SPAG16: variants seen among roughly 807,000 people sequenced by gnomAD.
The protein encoded by SPAG16 is sperm-associated antigen 16 protein.
In SPAG16, 86 loss-of-function variants were observed where a neutral mutation model predicts 80.4. The ratio of observed to expected loss-of-function variants is 1.07; its 90% CI spans 0.90 to 1.28. SPAG16 has a LOEUF of 1.28. Ranked by LOEUF, SPAG16 falls within the 50% of genes most tolerant of loss-of-function variation. SPAG16 has a pLI of 0.00. For missense variants in SPAG16, 870 were observed against 765.3 expected (o/e 1.14, Z -1.61); for synonymous variants, 294 against 265.9 (o/e 1.11, Z -1.03).
chr2:213,587,845 C>T (rs569309162), intron 10 of SPAG16, among the ~76,000 whole-genome samples: 1 of 152,246 alleles, frequency 6.6e-6, no homozygotes, highest in East Asian at 1.9e-4. Flanking sequence ...AAGTTGTATG[C>T]CACTTTATAA....
intron 7 of SPAG16, among the ~76,000 whole-genome samples, chr2:213,361,302 T>A (rs2065963313): frequency 6.6e-6 from 1 of 151,844 alleles, no homozygotes; most frequent in African/African-American, 2.4e-5. Flanking sequence ...TAGGTATCTA[T>A]GTATACTAAA....
chr2:213,842,147 A>G (rs572014756), intron 10 of SPAG16, among the ~76,000 whole-genome samples: 1 of 152,154 alleles, frequency 6.6e-6, no homozygotes, highest in Non-Finnish European at 1.5e-5. Context: ...TCCAAAGGCA[A>G]AATTTTCTTT....
intron 10 of SPAG16, among the ~76,000 whole-genome samples, chr2:213,747,450 C>T (rs564053970): frequency 3.6e-4 from 55 of 152,284 alleles, no homozygotes; most frequent in African/African-American, 1.1e-3. Flanking sequence ...CACATTTACT[C>T]GCCACTCACT....
At chr2:213,710,941 T>C (rs768224783) in intron 10 of SPAG16, among the ~76,000 whole-genome samples, 1 of 152,210 alleles carries the variant, frequency 6.6e-6, no homozygotes, top group Non-Finnish European at 1.5e-5. Context: ...CAGCATCTTT[T>C]TAGCAAAAAC....
chr2:214,063,157 T>C (rs1471136564), intron 13 of SPAG16, among the ~76,000 whole-genome samples: 1 of 152,160 alleles, frequency 6.6e-6, no homozygotes, highest in Non-Finnish European at 1.5e-5. Context: ...TAAATTGGTT[T>C]AGCTCAATAG....
intron 15 of SPAG16, among the ~76,000 whole-genome samples, chr2:214,260,974 G>C (rs1691111823): frequency 6.6e-6 from 1 of 151,686 alleles, no homozygotes; most frequent in Non-Finnish European, 1.5e-5. Context: ...GGGCGTGGTG[G>C]TGGGCACCTG....
chr2:213,751,305 AC>A (rs1210822462), intron 10 of SPAG16, among the ~76,000 whole-genome samples: 1 of 152,132 alleles, frequency 6.6e-6, no homozygotes, highest in Non-Finnish European at 1.5e-5. Context: ...AATATAGCCC[AC>A]TTGTTCCTCA....
At chr2:213,796,905 G>A (rs190385514) in intron 10 of SPAG16, among the ~76,000 whole-genome samples, 101 of 141,212 alleles carry the variant, frequency 7.2e-4, no homozygotes, top group African/African-American at 2.3e-3. Context: ...TATGGGTGAT[G>A]ACAGCTGCAT....
intron 12 of SPAG16, among the ~76,000 whole-genome samples, chr2:213,960,979 C>T (rs900801756): frequency 6.6e-6 from 1 of 152,140 alleles, no homozygotes; most frequent in Non-Finnish European, 1.5e-5. Flanking sequence ...ACTCTGGCTC[C>T]CATAAGCTAC....
intron 10 of SPAG16, among the ~76,000 whole-genome samples, chr2:213,513,265 G>A (rs888968096): frequency 6.6e-6 from 1 of 152,072 alleles, no homozygotes; most frequent in Non-Finnish European, 1.5e-5. Flanking sequence ...CAAACCTAAC[G>A]TGGTCATACA....
At chr2:213,782,109 T>C (rs955772690) in intron 10 of SPAG16, among the ~76,000 whole-genome samples, 2 of 152,100 alleles carry the variant, frequency 1.3e-5, no homozygotes, top group African/African-American at 4.8e-5. Flanking sequence ...ACTATCTCAT[T>C]TCAAAGTCTG....
chr2:214,328,971 A>C (rs778520467), intron 15 of SPAG16, among the ~76,000 whole-genome samples: 1 of 152,202 alleles, frequency 6.6e-6, no homozygotes, highest in East Asian at 1.9e-4. Context: ...TTCATTATAT[A>C]CATAAGAAAA....
intron 9 of SPAG16, among the ~76,000 whole-genome samples, chr2:213,472,432 G>A (rs1033016558): frequency 6.6e-6 from 1 of 152,188 alleles, no homozygotes; most frequent in African/African-American, 2.4e-5. Flanking sequence ...TAGGCCTTAT[G>A]GGAGAGTTGA....
chr2:213,340,285 G>T lies in SPAG16; in HGVS notation c.644+15G>T. The T allele has an allele frequency of 1.3e-6, 2 of 1,489,480 alleles. No homozygotes were observed. Among genetic ancestry groups the T allele is most frequent in the Non-Finnish European group, 9.3e-7 (1 of 1,080,024 alleles). 92.3% of individuals were successfully genotyped at this position (1,489,480 alleles called of 1,614,324 possible). On this transcript the variant is annotated intron_variant, in intron 6 of 15. Coordinates refer to ENST00000331683, the MANE Select transcript of SPAG16 (RefSeq NM_024532.5). ...GACCTCAAAGGGTAAGCTTATACTTGTTGGCATATTTATTAAAGAGTTATT... is the reference window on the plus strand; with the variant it reads ...GACCTCAAAGGGTAAGCTTATACTTTTTGGCATATTTATTAAAGAGTTATT...
chr2:213,774,962 C>A (rs2069482066), intron 10 of SPAG16, among the ~76,000 whole-genome samples: 1 of 152,162 alleles, frequency 6.6e-6, no homozygotes, highest in Non-Finnish European at 1.5e-5. Flanking sequence ...TCAGCAGGCC[C>A]AGTGTACCTG....
chr2:213,759,945 G>A (rs2068561600), intron 10 of SPAG16, among the ~76,000 whole-genome samples: 1 of 151,830 alleles, frequency 6.6e-6, no homozygotes, highest in South Asian at 2.1e-4. Flanking sequence ...TGAGGGAGGA[G>A]AATCACTTGA....
At chr2:213,514,899 C>G (rs2075365631) in intron 10 of SPAG16, among the ~76,000 whole-genome samples, 1 of 151,816 alleles carries the variant, frequency 6.6e-6, no homozygotes, top group Non-Finnish European at 1.5e-5. Context: ...AATAAGTAAC[C>G]TACACATTTT....
intron 9 of SPAG16, among the ~76,000 whole-genome samples, chr2:213,390,843 G>T (rs551506531): frequency 7.9e-5 from 10 of 126,436 alleles, no homozygotes; most frequent in African/African-American, 2.8e-4. Context: ...TATACAAATG[G>T]CTTTTCAAAG....
chr2:213,742,547 C>CTTTTTTTGTTTTTTTTT (rs1559428496), intron 10 of SPAG16, among the ~76,000 whole-genome samples: 2 of 24,808 alleles, frequency 8.1e-5, no homozygotes, highest in Non-Finnish European at 1.7e-4. Context: ...TTGCTTATTT[C>CTTTTTTTGTTTTTTTTT]TTTTTTTTTT....
Sources: allele counts gnomAD v4.1 joint callset (sites outside exome capture counted in the v4.1 genomes callset), GRCh38; gene constraint gnomAD v4.1.1; transcripts MANE v1.5; gene names NCBI Gene and HGNC (gene_info 2026-07-23, HGNC 2026-07-21).